Variants in LRRC38 observed in about 807,000 individuals in gnomAD.
LRRC38 encodes leucine-rich repeat-containing protein 38.
A neutral mutation model predicts 16.4 loss-of-function variants in LRRC38; 5 were observed. The observed-to-expected ratio is 0.31, with a 90% CI of 0.16 to 0.64. LRRC38 has a LOEUF of 0.64. LRRC38 is among the 30% of genes least tolerant of loss of function. The pLI is 0.80. For synonymous variants in LRRC38, 191 were observed against 190.2 expected (o/e 1.00, Z -0.04); for missense variants, 341 against 401.8 (o/e 0.85, Z 1.29).
intron 1 of LRRC38, among the ~76,000 whole-genome samples, chr1:13,500,660 C>G (rs1168799487): frequency 6.6e-6 from 1 of 152,192 alleles, no homozygotes; most frequent in Non-Finnish European, 1.5e-5. Flanking sequence ...GTGCCCCGAC[C>G]ACCTTAGGCC....
At chr1:13,481,384 T>A (rs972324240) in intron 1 of LRRC38, among the ~76,000 whole-genome samples, 2 of 127,926 alleles carry the variant, frequency 1.6e-5, no homozygotes, top group Admixed American at 8.4e-5. Flanking sequence ...ATGTTTTTTT[T>A]ATTTTTTTTT....
At chr1:13,491,971 C>A (rs181352005) in intron 1 of LRRC38, among the ~76,000 whole-genome samples, 418 of 152,224 alleles carry the variant, frequency 2.7e-3, no homozygotes, top group Middle Eastern at 6.8e-3. Context: ...CCCCAGCGCC[C>A]GGCCAAATCT....
chr1:13,493,128 A>C (rs1484621946), intron 1 of LRRC38, among the ~76,000 whole-genome samples: 1 of 152,174 alleles, frequency 6.6e-6, no homozygotes, highest in Non-Finnish European at 1.5e-5. Context: ...TACCAATACA[A>C]GCAATTCTGA....
At chr1:13,488,610 A>G (rs772572520) in intron 1 of LRRC38, among the ~76,000 whole-genome samples, 35 of 152,166 alleles carry the variant, frequency 2.3e-4, no homozygotes, top group Non-Finnish European at 4.7e-4. Context: ...CATTCCCACA[A>G]GTTGAAGGTT....
chr1:13,485,137 C>T (rs982385368), intron 1 of LRRC38, among the ~76,000 whole-genome samples: 2 of 151,916 alleles, frequency 1.3e-5, no homozygotes, highest in Non-Finnish European at 2.9e-5. Context: ...ATTAGCTAGG[C>T]GTGATGGCGC....
At chr1:13,505,987 A>G (rs1463980512) in intron 1 of LRRC38, among the ~76,000 whole-genome samples, 1 of 121,220 alleles carries the variant, frequency 8.2e-6, no homozygotes, top group East Asian at 4.6e-4. Flanking sequence ...AATGGGAGCC[A>G]CTGGAAGGTT....
intron 1 of LRRC38, among the ~76,000 whole-genome samples, chr1:13,512,186 G>A (rs894077702): frequency 6.6e-6 from 1 of 152,194 alleles, no homozygotes; most frequent in African/African-American, 2.4e-5. Flanking sequence ...GCTCATCCCT[G>A]TGGATGCTGG....
chr1:13,477,763 G>C (rs1451259312), intron 1 of LRRC38, among the ~76,000 whole-genome samples: 2 of 152,132 alleles, frequency 1.3e-5, no homozygotes, highest in African/African-American at 4.8e-5. Flanking sequence ...ATTTGAGCCT[G>C]GGAAACTGAG....
intron 1 of LRRC38, among the ~76,000 whole-genome samples, chr1:13,501,244 A>G (rs537118735): frequency 1.9e-4 from 29 of 152,044 alleles, no homozygotes; most frequent in African/African-American, 4.8e-4. Flanking sequence ...TACACTATAT[A>G]TACTATATAT....
At chr1:13,504,561 A>AT (rs1268407446) in intron 1 of LRRC38, among the ~76,000 whole-genome samples, 3 of 151,762 alleles carry the variant, frequency 2.0e-5, no homozygotes, top group Admixed American at 2.0e-4. Flanking sequence ...TCTCTACTAA[A>AT]AATACAAAAA....
At chr1:13,479,420 A>T (rs772396405) in intron 1 of LRRC38, among the ~76,000 whole-genome samples, 1 of 152,052 alleles carries the variant, frequency 6.6e-6, no homozygotes, top group Non-Finnish European at 1.5e-5. Context: ...AACCACCACA[A>T]CCCAACAACA....
At chr1:13,480,214 G>C (rs982493788) in intron 1 of LRRC38, among the ~76,000 whole-genome samples, 3 of 152,156 alleles carry the variant, frequency 2.0e-5, no homozygotes, top group African/African-American at 7.2e-5. Context: ...GCATGGTGGC[G>C]CATGCCTGTA....
chr1:13,494,295 G>T (rs900663895), intron 1 of LRRC38, among the ~76,000 whole-genome samples: 1 of 152,060 alleles, frequency 6.6e-6, no homozygotes, highest in African/African-American at 2.4e-5. Context: ...TTGTAGCTCA[G>T]CGTGAGCCTC....
intron 1 of LRRC38, among the ~76,000 whole-genome samples, chr1:13,500,328 CA>C (rs1639133872): frequency 1.3e-5 from 2 of 151,876 alleles, no homozygotes; most frequent in Non-Finnish European, 2.9e-5. Context: ...AATTTGCCCA[CA>C]AGGAAATTCT....
chr1:13,485,285 A>AAAAAAAACAAAAAAAAAAC (rs1553134929), intron 1 of LRRC38, among the ~76,000 whole-genome samples: 1 of 149,122 alleles, frequency 6.7e-6, no homozygotes, highest in African/African-American at 2.5e-5. Context: ...CTTAAAAAAA[A>AAAAAAAACAAAAAAAAAAC]AAAAAAAAAC....
chr1:13,499,345 C>G (rs1435600444), intron 1 of LRRC38, among the ~76,000 whole-genome samples: 1 of 152,188 alleles, frequency 6.6e-6, no homozygotes, highest in Non-Finnish European at 1.5e-5. Flanking sequence ...GTGATCCACC[C>G]GCCCCGGCCT....
At chr1:13,479,619 C>G (rs1638827613) in intron 1 of LRRC38, among the ~76,000 whole-genome samples, 1 of 152,206 alleles carries the variant, frequency 6.6e-6, no homozygotes, top group Non-Finnish European at 1.5e-5. Flanking sequence ...AAAAACGGTG[C>G]ACACAAGCCC....
chr1:13,505,490 G>C (rs1008905012), intron 1 of LRRC38, among the ~76,000 whole-genome samples: 1 of 152,194 alleles, frequency 6.6e-6, no homozygotes, highest in African/African-American at 2.4e-5. Context: ...CCCGTCCCTG[G>C]ATGACCCCTA....
intron 1 of LRRC38, among the ~76,000 whole-genome samples, chr1:13,486,155 T>G (rs1283725495): frequency 1.3e-5 from 2 of 152,190 alleles, no homozygotes; most frequent in African/African-American, 2.4e-5. Flanking sequence ...GCCAGGCTGG[T>G]CTCGAACTCT....
Sources: gnomAD v4.1 joint callset for allele counts (sites outside exome capture counted in the v4.1 genomes callset) on GRCh38, gnomAD v4.1.1 for gene constraint, MANE v1.5 for transcripts, NCBI Gene and HGNC (gene_info 2026-07-23, HGNC 2026-07-21) for gene names.